The following MYO1D variants were observed in gnomAD, a reference collection of about 807,000 sequenced individuals.
The protein encoded by MYO1D is myosin ID.
MYO1D carries 83 observed loss-of-function variants against 122.0 expected under a neutral mutation model. The ratio of observed to expected loss-of-function variants is 0.68; its 90% CI spans 0.57 to 0.82. The LOEUF (loss-of-function observed/expected upper bound fraction) is 0.82. MYO1D is among the 40% of genes least tolerant of loss of function. The probability of loss-of-function intolerance (pLI) is 0.00; values close to 1 mark genes in which losing one functional copy is unlikely to be tolerated. For missense variants in MYO1D, 1,157 were observed against 1,269.5 expected (o/e 0.91, Z 1.35); for synonymous variants, 464 against 446.9 (o/e 1.04, Z -0.48).
Position 32,813,072 on chromosome 17 carries a change from C to T in MYO1D, c.96-32288G>A, listed in dbSNP as rs990916808. Among the ~76,000 whole-genome samples the T allele has an allele frequency of 3.1e-4, 47 of 152,310 alleles. 1 individual carries two copies. Among genetic ancestry groups the T allele is most frequent in the African/African-American group, 1.0e-3 (43 of 41,568 alleles). ...AGCATTCAATCATTTCTCCTATAAACGGTCTTCACTGATGATTTCCCAATA... is the reference window on the plus strand; with the variant it reads ...AGCATTCAATCATTTCTCCTATAAATGGTCTTCACTGATGATTTCCCAATA... On this transcript the variant is annotated intron_variant, in intron 1 of 21. Coordinates refer to ENST00000318217, the MANE Select transcript of MYO1D (RefSeq NM_015194.3).
intron 21 of MYO1D, among the ~76,000 whole-genome samples, chr17:32,573,425 C>T (rs118017164): frequency 0.015 from 2,282 of 152,194 alleles, 26 homozygotes; most frequent in Non-Finnish European, 0.025. Context: ...CTCATGTCTT[C>T]TTCTTTCCTG....
chr17:32,690,227 G>A (rs954989030), intron 16 of MYO1D, among the ~76,000 whole-genome samples: 8 of 147,242 alleles, frequency 5.4e-5, no homozygotes, highest in African/African-American at 1.0e-4. Flanking sequence ...CTGTCATCCC[G>A]GCTGGAGTGC....
At chr17:32,584,272 G>C (rs757825099) in intron 21 of MYO1D, among the ~76,000 whole-genome samples, 13 of 152,222 alleles carry the variant, frequency 8.5e-5, no homozygotes, top group Admixed American at 3.3e-4. Flanking sequence ...TGATACATTT[G>C]TTTCCCTTGA....
At chr17:32,553,490 G>A (rs566074369) in intron 21 of MYO1D, among the ~76,000 whole-genome samples, 1 of 152,302 alleles carries the variant, frequency 6.6e-6, no homozygotes, top group Non-Finnish European at 1.5e-5. Context: ...GAATAGGAAA[G>A]AGTCTAGCAG....
chr17:32,514,482 C>A (rs1464677813), intron 21 of MYO1D, among the ~76,000 whole-genome samples: 1 of 152,042 alleles, frequency 6.6e-6, no homozygotes, highest in Non-Finnish European at 1.5e-5. Context: ...CTGAAAATGT[C>A]CAAACTTTAA....
At chr17:32,495,305 T>TGA (rs140931006) in intron 21 of MYO1D, among the ~76,000 whole-genome samples, 130 of 150,426 alleles carry the variant, frequency 8.6e-4, no homozygotes, top group African/African-American at 2.5e-3. Flanking sequence ...CATGCCCCAG[T>TGA]GAGAGAGAGA....
At chr17:32,731,043 A>G (rs1314611303) in intron 14 of MYO1D, among the ~76,000 whole-genome samples, 3 of 151,632 alleles carry the variant, frequency 2.0e-5, no homozygotes, top group African/African-American at 7.3e-5. Flanking sequence ...AGTAGCTGGG[A>G]TTACATGTGC....
At chr17:32,496,749 G>A (rs1036849941) in intron 21 of MYO1D, among the ~76,000 whole-genome samples, 1 of 152,174 alleles carries the variant, frequency 6.6e-6, no homozygotes, top group African/African-American at 2.4e-5. Context: ...GCCTCCCCCT[G>A]CTCGCCCTCC....
intron 1 of MYO1D, among the ~76,000 whole-genome samples, chr17:32,852,220 G>A (rs889272979): frequency 6.6e-6 from 1 of 152,116 alleles, no homozygotes. Context: ...CTGCCTCCCA[G>A]GTTCCAGAGA....
intron 21 of MYO1D, among the ~76,000 whole-genome samples, chr17:32,577,789 A>C (rs1166427762): frequency 6.6e-6 from 1 of 150,832 alleles, no homozygotes; most frequent in Admixed American, 6.6e-5. Context: ...CCCAGGCTGG[A>C]GTGCAGTGGC....
chr17:32,724,576 T>G (rs971338162), intron 14 of MYO1D, among the ~76,000 whole-genome samples: 4 of 152,120 alleles, frequency 2.6e-5, no homozygotes, highest in Admixed American at 2.6e-4. Context: ...CTGGGGAAAT[T>G]TGCCAGTTCC....
intron 16 of MYO1D, among the ~76,000 whole-genome samples, chr17:32,670,196 G>C (rs1266654974): frequency 6.6e-6 from 1 of 152,076 alleles, no homozygotes; most frequent in African/African-American, 2.4e-5. Context: ...GTGCCTGGCT[G>C]AAAGACATTT....
At chr17:32,744,106 G>A (rs1365590709) in intron 13 of MYO1D, among the ~76,000 whole-genome samples, 1 of 151,826 alleles carries the variant, frequency 6.6e-6, no homozygotes, top group Non-Finnish European at 1.5e-5. Context: ...TATGATCCAG[G>A]CTCTACCTAC....
intron 1 of MYO1D, among the ~76,000 whole-genome samples, chr17:32,809,023 A>G (rs2090545589): frequency 6.6e-6 from 1 of 152,020 alleles, no homozygotes; most frequent in East Asian, 1.9e-4. Context: ...ATGCACACAC[A>G]TATGTATATT....
At chr17:32,706,338 C>T (rs1406003582) in intron 16 of MYO1D, among the ~76,000 whole-genome samples, 2 of 152,086 alleles carry the variant, frequency 1.3e-5, no homozygotes, top group Non-Finnish European at 2.9e-5. Flanking sequence ...GAACTCCTGG[C>T]CTCAAGTGAT....
chr17:32,772,084 A>C (rs994491996), intron 5 of MYO1D, among the ~76,000 whole-genome samples: 11 of 152,350 alleles, frequency 7.2e-5, no homozygotes, highest in Admixed American at 5.9e-4. Flanking sequence ...ACTGAATTCG[A>C]CTGAATTGCA....
chr17:32,573,605 G>T (rs7220516), intron 21 of MYO1D, among the ~76,000 whole-genome samples: 2 of 151,610 alleles, frequency 1.3e-5, no homozygotes, highest in Non-Finnish European at 2.9e-5. Context: ...CTGCAGCCTC[G>T]AACTCCTGGG....
intron 19 of MYO1D, among the ~76,000 whole-genome samples, chr17:32,652,675 C>T (rs2088408550): frequency 6.6e-6 from 1 of 152,026 alleles, no homozygotes. Context: ...TTCCCAACTT[C>T]CATTTGCCCA....
intron 11 of MYO1D, among the ~76,000 whole-genome samples, chr17:32,750,923 C>T (rs1369733228): frequency 1.3e-5 from 2 of 152,308 alleles, no homozygotes; most frequent in East Asian, 3.9e-4. Context: ...TTTCTGCTCT[C>T]TCTCTTATTA....
Sources: gnomAD v4.1 joint callset for allele counts (sites outside exome capture counted in the v4.1 genomes callset) on GRCh38, gnomAD v4.1.1 for gene constraint, MANE v1.5 for transcripts, NCBI Gene and HGNC (gene_info 2026-07-23, HGNC 2026-07-21) for gene names.